TBCD: variants seen among roughly 807,000 people sequenced by gnomAD.
TBCD encodes the protein tubulin-specific chaperone D.
TBCD carries 105 observed loss-of-function variants against 169.3 expected under a neutral mutation model. The ratio of observed to expected loss-of-function variants is 0.62; its 90% confidence interval spans 0.53 to 0.73. The LOEUF is 0.73. Among genes scored for constraint, TBCD ranks in the 30% least tolerant of loss-of-function variants. The pLI is 0.00. For missense variants in TBCD, 1,444 were observed against 1,600.1 expected, an observed-to-expected ratio of 0.90 and a Z score of 1.66; for synonymous variants, 700 against 643.9, an observed-to-expected ratio of 1.09 and a Z score of -1.32.
intron 13 of TBCD, among the ~76,000 whole-genome samples, chr17:82,854,074 C>T (rs2056046639): frequency 1.3e-5 from 2 of 152,198 alleles, no homozygotes; most frequent in South Asian, 2.1e-4. Flanking sequence ...GCCTACCCTC[C>T]AAGTAACACA....
intron 13 of TBCD, among the ~76,000 whole-genome samples, chr17:82,836,906 G>T (rs899034146): frequency 2.0e-5 from 3 of 152,168 alleles, no homozygotes; most frequent in East Asian, 1.9e-4. Flanking sequence ...GTTAGTTCAC[G>T]TAAGCGGGTG....
chr17:82,792,858 G>A (rs1170210365), intron 7 of TBCD, among the ~76,000 whole-genome samples: 1 of 152,112 alleles, frequency 6.6e-6, no homozygotes, highest in African/African-American at 2.4e-5. Flanking sequence ...CACCTCCCGG[G>A]CTGAAGTCAT....
In TBCD at chr17:82,820,365, C is replaced by CA. The variant is rs546327407; in HGVS notation, c.1318+5433dup. ...CAGTATTTTGCTTTTTGAAAAATGT[C>CA]AAGTGTTCTGATCTCTTTGGACATT... On this transcript the variant is annotated intron_variant, in intron 13 of 38. Transcript: ENST00000355528. Among the ~76,000 whole-genome samples, 964 of 152,330 alleles carry CA rather than the reference C, an allele frequency of 6.3e-3. 11 individuals carry two copies. The highest frequency in any genetic ancestry group is 0.022 in the African/African-American group (916 of 41,578).
intron 13 of TBCD, among the ~76,000 whole-genome samples, chr17:82,845,723 C>G (rs764191156): frequency 6.6e-6 from 1 of 152,220 alleles, no homozygotes; most frequent in Non-Finnish European, 1.5e-5. Context: ...GCTCTTCCAT[C>G]TTCACCCTTT....
intron 17 of TBCD, among the ~76,000 whole-genome samples, chr17:82,898,414 C>G (rs1235708832): frequency 6.6e-6 from 1 of 152,196 alleles, no homozygotes; most frequent in East Asian, 1.9e-4. Flanking sequence ...CACAGCTCTG[C>G]TGCAGACCCT....
intron 8 of TBCD, among the ~76,000 whole-genome samples, chr17:82,800,305 G>C (rs368249900): frequency 6.6e-6 from 1 of 152,158 alleles, no homozygotes; most frequent in African/African-American, 2.4e-5. Flanking sequence ...GCTGTGCCCA[G>C]TGCTACCTTG....
chr17:82,935,923 T>G (rs976419415), intron 34 of TBCD, among the ~76,000 whole-genome samples: 7 of 152,380 alleles, frequency 4.6e-5, no homozygotes, highest in Admixed American at 2.0e-4. Context: ...GCGGTGAAGC[T>G]TTCCCATTTT....
At chr17:82,784,331 A>G (rs926734680) in intron 7 of TBCD, among the ~76,000 whole-genome samples, 2 of 152,166 alleles carry the variant, frequency 1.3e-5, no homozygotes, top group Admixed American at 6.5e-5. Flanking sequence ...TTGCAGGTAC[A>G]GATGTGCTGT....
intron 2 of TBCD, among the ~76,000 whole-genome samples, chr17:82,761,704 A>G (rs1038467427): frequency 3.1e-5 from 4 of 129,072 alleles, no homozygotes; most frequent in Non-Finnish European, 4.8e-5. Flanking sequence ...GTGCTGATAA[A>G]TCACAATTTG....
intron 30 of TBCD, 23 bp from the exon 31 acceptor site, chr17:82,929,090 T>C: frequency 6.3e-7 from 1 of 1,599,372 alleles, no homozygotes; most frequent in Non-Finnish European, 8.5e-7. Flanking sequence ...GCCCTTGGTT[T>C]ACCTCCTGCT....
At chr17:82,819,816 C>T (rs2052254442) in intron 13 of TBCD, among the ~76,000 whole-genome samples, 1 of 152,056 alleles carries the variant, frequency 6.6e-6, no homozygotes, top group African/African-American at 2.4e-5. Flanking sequence ...GTCCTTTCAC[C>T]TTTTTTGTGG....
At chr17:82,842,810 T>C (rs977293005) in intron 13 of TBCD, among the ~76,000 whole-genome samples, 5 of 146,448 alleles carry the variant, frequency 3.4e-5, no homozygotes, top group African/African-American at 1.3e-4. Context: ...AGATGGAATC[T>C]CGCTCTGTCA....
intron 13 of TBCD, among the ~76,000 whole-genome samples, chr17:82,837,847 T>C (rs182631360): frequency 6.6e-6 from 1 of 152,342 alleles, no homozygotes. Flanking sequence ...CACAAAGCCT[T>C]CTTTCTCCAA....
chr17:82,796,147 C>T (rs931305754), intron 7 of TBCD: 2 of 152,254 alleles, frequency 1.3e-5, no homozygotes, highest in South Asian at 2.1e-4. Context: ...GGCTTCAGGC[C>T]GTCAGCCCAC....
chr17:82,939,387 C>G lies in TBCD; in HGVS notation c.3390C>G (p.Ser1130Arg). ...CCCAGATCCGGAAGACCACGGCCAG[C>G]CAGGTGTACGAGACATTGCTCACCT... ...RFPLIRKTTA[S>R]QVYETLLTYS... The change falls in exon 37 of 39, where the codon AGC (serine) becomes AGG (arginine). Residue 1130 changes from serine (S) to arginine (R), a missense_variant. Transcript: ENST00000355528. The G allele has an allele frequency of 6.2e-7, 1 of 1,612,752 alleles. No homozygotes were observed.
chr17:82,779,913 C>T (rs1376420516), intron 6 of TBCD, among the ~76,000 whole-genome samples: 3 of 152,186 alleles, frequency 2.0e-5, no homozygotes, highest in African/African-American at 7.2e-5. Context: ...CTGGCCCTCC[C>T]AAGTGTCCCT....
intron 13 of TBCD, among the ~76,000 whole-genome samples, chr17:82,846,788 T>C (rs1218473187): frequency 1.3e-5 from 2 of 152,186 alleles, no homozygotes; most frequent in East Asian, 3.9e-4. Flanking sequence ...TTTGGGAAGT[T>C]GATTTAACTG....
chr17:82,824,925 T>TA (rs1161615839), intron 13 of TBCD, among the ~76,000 whole-genome samples: 1 of 151,764 alleles, frequency 6.6e-6, no homozygotes, highest in Non-Finnish European at 1.5e-5. Context: ...GAAACGTAGT[T>TA]AAAAAATAAG....
In TBCD at chr17:82,896,430, A is replaced by C. The variant is rs373119244; in HGVS notation, c.1649+2798A>C. ...CTCTTGTTCTCTGGCATAGATGCCCAGAGCTGGGTGGCTGTGCTGTCAGTT... is the reference window on the plus strand; with the variant it reads ...CTCTTGTTCTCTGGCATAGATGCCCCGAGCTGGGTGGCTGTGCTGTCAGTT... On this transcript the variant is annotated intron_variant, in intron 17 of 38. Transcript: ENST00000355528. Among the ~76,000 whole-genome samples the C allele has an allele frequency of 3.7e-3, 549 of 149,124 alleles. 8 individuals are homozygous for C. Among genetic ancestry groups the C allele is most frequent in the African/African-American group, 0.013 (528 of 40,274 alleles).
Sources: gnomAD v4.1 joint callset for allele counts (sites outside exome capture counted in the v4.1 genomes callset) on GRCh38, gnomAD v4.1.1 for gene constraint, MANE v1.5 for transcripts, NCBI Gene and HGNC (gene_info 2026-07-23, HGNC 2026-07-21) for gene names.